The following CRB1 variants were observed in gnomAD, a reference collection of about 807,000 sequenced individuals.
CRB1 encodes crumbs cell polarity complex component 1.
A neutral mutation model predicts 120.0 loss-of-function variants in CRB1; 83 were observed. That is an observed-to-expected ratio of 0.69 (90% CI 0.58 to 0.83). The LOEUF is 0.83. Among genes scored for constraint, CRB1 ranks in the 40% least tolerant of loss-of-function variants. CRB1 has a pLI of 0.00. For missense variants in CRB1, 1,699 were observed against 1,687.6 expected (o/e 1.01, Z -0.12); for synonymous variants, 625 against 612.5 (o/e 1.02, Z -0.30).
intron 1 of CRB1, among the ~76,000 whole-genome samples, chr1:197,286,786 A>C (rs1460563646): frequency 6.6e-6 from 1 of 151,942 alleles, no homozygotes; most frequent in Admixed American, 6.6e-5. Context: ...CATGTTTTGC[A>C]TTATAATTTC....
At chr1:197,228,770 A>C in the CRB1 span, among the ~76,000 whole-genome samples, 1 of 152,166 alleles carries the variant, frequency 6.6e-6, no homozygotes, top group Admixed American at 6.5e-5. Flanking sequence ...CTGCTTATAA[A>C]GACATACCCT....
At chr1:197,259,232 T>C in the CRB1 span, among the ~76,000 whole-genome samples, 959 of 152,340 alleles carry the variant, frequency 6.3e-3, 14 homozygotes, top group African/African-American at 0.022. Context: ...TGCATACGTA[T>C]GTTTATTGCA....
chr1:197,323,046 A>T (rs1316622076), intron 1 of CRB1, among the ~76,000 whole-genome samples: 2 of 152,182 alleles, frequency 1.3e-5, no homozygotes, highest in Non-Finnish European at 2.9e-5. Context: ...TTATGAAAGG[A>T]ACCAATAAAT....
chr1:197,390,896 G>A (rs1662473696), intron 5 of CRB1, among the ~76,000 whole-genome samples: 1 of 151,922 alleles, frequency 6.6e-6, no homozygotes, highest in East Asian at 1.9e-4. Flanking sequence ...GCTATAATAG[G>A]CATTAATAAG....
At chr1:197,209,426 A>G in the CRB1 span, among the ~76,000 whole-genome samples, 8 of 151,732 alleles carry the variant, frequency 5.3e-5, no homozygotes, top group African/African-American at 1.9e-4. Context: ...GCTCACTGCA[A>G]CCTCCACCTC....
intron 2 of CRB1, among the ~76,000 whole-genome samples, chr1:197,336,654 G>C (rs1461994813): frequency 6.6e-6 from 1 of 152,150 alleles, no homozygotes; most frequent in East Asian, 1.9e-4. Flanking sequence ...TATTCACTCA[G>C]CAAATACTTA....
At chr1:197,234,805 C>A in the CRB1 span, among the ~76,000 whole-genome samples, 9 of 152,212 alleles carry the variant, frequency 5.9e-5, no homozygotes, top group African/African-American at 2.2e-4. Flanking sequence ...GAAGTCCAAT[C>A]TGACAAAAAT....
chr1:197,427,615 C>G lies in CRB1; in HGVS notation c.2290C>G (p.Arg764Gly), dbSNP rs62635654. 1.9e-6 allele frequency: 3 copies of G among 1,613,922 alleles called. No homozygotes were observed. Among genetic ancestry groups the G allele is most frequent in the Non-Finnish European group, 2.5e-6 (3 of 1,179,972 alleles). Residue 764 changes from arginine to glycine, a missense_variant, in exon 7 of 12, where the codon CGT becomes GGT. Physicochemically the swap from Arg to Gly is moderately radical, Grantham distance 125. Coordinates refer to ENST00000367400, the MANE Select transcript of CRB1 (RefSeq NM_201253.3). ...GGAAAACAGCACTTATCAATATATC[C>G]GTGTCTGGCTAGAGCGCGGCAGACT... ...ALENSTYQYI[R>G]VWLERGRLAM...
At chr1:197,360,576 T>C (rs532887016) in intron 5 of CRB1, 1 of 152,376 alleles carries the variant, frequency 6.6e-6, no homozygotes, top group African/African-American at 2.4e-5. Context: ...TCCAGACTTT[T>C]ACTCCTGGTA....
At chr1:197,344,166 T>C (rs753355997) in intron 2 of CRB1, 115 bp from the exon 3 acceptor site, 52 of 1,045,722 alleles carry the variant, frequency 5.0e-5, no homozygotes, top group Admixed American at 2.2e-4. Flanking sequence ...GAAAGTTATT[T>C]TGGGTAACAG....
chr1:197,431,773 T>C (rs767117753), intron 8 of CRB1, among the ~76,000 whole-genome samples: 2 of 152,190 alleles, frequency 1.3e-5, no homozygotes, highest in Non-Finnish European at 2.9e-5. Flanking sequence ...CCAGTAGCAT[T>C]TTTTAAGTAT....
intron 11 of CRB1, among the ~76,000 whole-genome samples, chr1:197,453,644 A>C (rs1377150861): frequency 6.9e-6 from 1 of 145,430 alleles, no homozygotes; most frequent in Non-Finnish European, 1.5e-5. Flanking sequence ...GGGTGTGATC[A>C]CAACTCATTG....
intron 11 of CRB1, chr1:197,444,641 C>T (rs1665613075): frequency 6.6e-6 from 1 of 152,162 alleles, no homozygotes. Context: ...AATTCTGATG[C>T]CTCTGTTGTC....
chr1:197,323,008 T>C (rs559380989), intron 1 of CRB1, among the ~76,000 whole-genome samples: 4 of 152,260 alleles, frequency 2.6e-5, no homozygotes, highest in African/African-American at 9.6e-5. Context: ...CCATAATTTT[T>C]CTATAGGGGT....
At chr1:197,300,319 A>G (rs937462716) in intron 1 of CRB1, among the ~76,000 whole-genome samples, 2 of 152,018 alleles carry the variant, frequency 1.3e-5, no homozygotes, top group Non-Finnish European at 2.9e-5. Flanking sequence ...ATGTCAATGC[A>G]GAGGAAAAGT....
the CRB1 span, among the ~76,000 whole-genome samples, chr1:197,225,901 CT>C: frequency 6.6e-6 from 1 of 151,548 alleles, no homozygotes; most frequent in South Asian, 2.1e-4. Context: ...GCCTTTCTTT[CT>C]TTTTTTTTCT....
At chr1:197,244,916 A>G in the CRB1 span, among the ~76,000 whole-genome samples, 1 of 151,614 alleles carries the variant, frequency 6.6e-6, no homozygotes, top group Non-Finnish European at 1.5e-5. Context: ...TCTATCTTTT[A>G]TATCACTGCT....
intron 5 of CRB1, among the ~76,000 whole-genome samples, chr1:197,419,952 G>C (rs1664205355): frequency 6.7e-6 from 1 of 148,448 alleles, no homozygotes; most frequent in Non-Finnish European, 1.5e-5. Context: ...CTGCCCTCCA[G>C]CCTGGGCGAC....
intron 5 of CRB1, among the ~76,000 whole-genome samples, chr1:197,411,996 C>A (rs1394663693): frequency 6.6e-6 from 1 of 152,198 alleles, no homozygotes; most frequent in African/African-American, 2.4e-5. Flanking sequence ...AGCAGAGCAC[C>A]CCTCAAGTCC....
Sources: allele counts gnomAD v4.1 joint callset (sites outside exome capture counted in the v4.1 genomes callset), GRCh38; gene constraint gnomAD v4.1.1; transcripts MANE v1.5; gene names NCBI Gene and HGNC (gene_info 2026-07-23, HGNC 2026-07-21).